Variants in ADAMTS2 observed in about 807,000 individuals in gnomAD.
ADAMTS2 encodes ADAM metallopeptidase with thrombospondin type 1 motif 2, also known as A disintegrin and metalloproteinase with thrombospondin motifs 2.
A neutral mutation model predicts 123.0 loss-of-function variants in ADAMTS2; 50 were observed. That is an observed-to-expected ratio of 0.41 (90% CI 0.32 to 0.51). ADAMTS2 has a LOEUF of 0.51. Ranked by LOEUF, ADAMTS2 falls within the 20% of genes least tolerant of loss-of-function variation. The pLI, the probability that ADAMTS2 is intolerant of heterozygous loss-of-function variation, is 0.35. For missense variants in ADAMTS2, 1,494 were observed against 1,705.2 expected, an observed-to-expected ratio of 0.88 and a Z score of 2.18; for synonymous variants, 678 against 695.4, an observed-to-expected ratio of 0.98 and a Z score of 0.39.
intron 4 of ADAMTS2, among the ~76,000 whole-genome samples, chr5:179,205,757 GTTATTATTA>G (rs148528271): frequency 5.2e-5 from 6 of 115,938 alleles, no homozygotes; most frequent in Admixed American, 9.7e-5. Context: ...TGGTTTTATT[GTTATTATTA>G]TTATTATTAT....
chr5:179,322,309 G>T (rs754340580), intron 2 of ADAMTS2, among the ~76,000 whole-genome samples: 1 of 152,212 alleles, frequency 6.6e-6, no homozygotes, highest in Non-Finnish European at 1.5e-5. Context: ...TGCACCCACG[G>T]CCCGTGCCTT....
chr5:179,231,570 G>A (rs1469603274), intron 3 of ADAMTS2, among the ~76,000 whole-genome samples: 1 of 152,178 alleles, frequency 6.6e-6, no homozygotes, highest in Non-Finnish European at 1.5e-5. Flanking sequence ...CTACCATGGC[G>A]AGCATAAACT....
In ADAMTS2 at chr5:179,225,132, G is replaced by A. The variant is rs538401943; in HGVS notation, c.689-17417C>T. Among the ~76,000 whole-genome samples, 5 of 152,210 alleles carry A rather than the reference G, an allele frequency of 3.3e-5. No homozygotes were observed. The highest frequency in any genetic ancestry group is 2.1e-4 in the South Asian group (1 of 4,810). On this transcript the variant is annotated intron_variant, in intron 3 of 21. Coordinates refer to ENST00000251582, the MANE Select transcript of ADAMTS2 (RefSeq NM_014244.5). The surrounding 1 kb of genome is among the most constrained non-coding windows in gnomAD (Gnocchi z 4.5). Reference sequence around the variant, plus strand: ...AGGAACACTCCCTGGTTATCCACACGGCAACTAACACTCAGCACGCACCAG... The same window carrying A: ...AGGAACACTCCCTGGTTATCCACACAGCAACTAACACTCAGCACGCACCAG...
intron 3 of ADAMTS2, among the ~76,000 whole-genome samples, chr5:179,235,789 C>A (rs1765510360): frequency 6.6e-6 from 1 of 152,210 alleles, no homozygotes; most frequent in Admixed American, 6.5e-5. Context: ...CCATGTGAGC[C>A]CTGCACAGAG....
At position 179,208,151 on chromosome 5, in the gene ADAMTS2, C is replaced by A; in HGVS notation, c.689-436G>T. Among the ~76,000 whole-genome samples, 2 of 151,210 alleles carry A rather than the reference C, an allele frequency of 1.3e-5. 1 individual carries two copies. The highest frequency in any genetic ancestry group is 1.3e-4 in the Admixed American group (2 of 15,200). On this transcript the variant is annotated intron_variant, in intron 3 of 21. Transcript: ENST00000251582. The stretch of plus-strand genomic sequence containing the variant: ...CTGGAGTGGGCAGAGCCACCCCTTG[C>A]CCACACTGCCCGATGCTGGAGTGGG...
intron 3 of ADAMTS2, among the ~76,000 whole-genome samples, chr5:179,265,840 C>G (rs757062391): frequency 6.6e-6 from 1 of 152,260 alleles, no homozygotes; most frequent in Non-Finnish European, 1.5e-5. Flanking sequence ...GGAGCCGCCT[C>G]GGGTTTCACA....
intron 10 of ADAMTS2, among the ~76,000 whole-genome samples, chr5:179,141,985 G>A (rs1172063356): frequency 6.6e-6 from 1 of 152,118 alleles, no homozygotes; most frequent in Non-Finnish European, 1.5e-5. Flanking sequence ...TTCCCATCTA[G>A]TGAGCAGTCT....
At chr5:179,179,340 T>C (rs1222080384) in intron 5 of ADAMTS2, among the ~76,000 whole-genome samples, 1 of 152,070 alleles carries the variant, frequency 6.6e-6, no homozygotes, top group Non-Finnish European at 1.5e-5. Flanking sequence ...TTTTAGGCAT[T>C]TCATCAGCGA....
chr5:179,257,559 C>T (rs1446413807), intron 3 of ADAMTS2, among the ~76,000 whole-genome samples: 1 of 152,240 alleles, frequency 6.6e-6, no homozygotes, highest in African/African-American at 2.4e-5. Context: ...CCTGCGCCCT[C>T]CCCGCTGCTG....
intron 17 of ADAMTS2, among the ~76,000 whole-genome samples, chr5:179,126,673 C>T (rs957700440): frequency 1.3e-5 from 2 of 152,246 alleles, no homozygotes; most frequent in African/African-American, 2.4e-5. Context: ...GTGCACAGGA[C>T]AGCCCCCATG....
At chr5:179,286,769 C>T (rs1756032696) in intron 2 of ADAMTS2, among the ~76,000 whole-genome samples, 2 of 152,168 alleles carry the variant, frequency 1.3e-5, no homozygotes, top group Admixed American at 1.3e-4. Flanking sequence ...TCTCACAGTC[C>T]TGGAGGCTAG....
intron 3 of ADAMTS2, among the ~76,000 whole-genome samples, chr5:179,241,823 T>C (rs1396405085): frequency 6.6e-6 from 1 of 152,234 alleles, no homozygotes; most frequent in Non-Finnish European, 1.5e-5. Context: ...ATAGTGTGTG[T>C]ACCTATCTCT....
rs573440067 is a variant in ADAMTS2 at position 179,256,647 on chromosome 5, G to A, written c.688+16264C>T. On this transcript the variant is annotated intron_variant, in intron 3 of 21. Transcript: ENST00000251582. The surrounding 1 kb of genome is among the most constrained non-coding windows in gnomAD (Gnocchi z 4.1). ...CAGGCGGGGCCAGCATGAGTGGGGG[G>A]GCCAGGCACGAATCGGCAGGGAGGG... Among the ~76,000 whole-genome samples the A allele has an allele frequency of 6.6e-6, 1 of 152,182 alleles. No homozygotes were observed. Among genetic ancestry groups the A allele is most frequent in the African/African-American group, 2.4e-5 (1 of 41,442 alleles).
At chr5:179,299,784 T>A (rs55698132) in intron 2 of ADAMTS2, among the ~76,000 whole-genome samples, 2,618 of 152,086 alleles carry the variant, frequency 0.017, 46 homozygotes, top group Non-Finnish European at 0.026. Flanking sequence ...GACTCTGAAC[T>A]TCTGCCTCCA....
In ADAMTS2 at chr5:179,191,563, C is replaced by T. The variant is rs150871778; in HGVS notation, c.892-10408G>A. On this transcript the variant is annotated intron_variant, in intron 4 of 21. Coordinates refer to ENST00000251582, the MANE Select transcript of ADAMTS2 (RefSeq NM_014244.5). ...CTAAGGAAAGAGGGAAGGAAAATGC[C>T]GCTATGGGAGGAGAGAGCTGTGGCA... Among the ~76,000 whole-genome samples, 624 of 150,064 alleles carry T rather than the reference C, an allele frequency of 4.2e-3. 6 individuals are homozygous for T. The highest frequency in any genetic ancestry group is 0.015 in the African/African-American group (592 of 40,704).
At chr5:179,127,358 C>G (rs1581140216) in intron 17 of ADAMTS2, among the ~76,000 whole-genome samples, 1 of 152,274 alleles carries the variant, frequency 6.6e-6, no homozygotes, top group East Asian at 1.9e-4. Context: ...CCTTGTCCTC[C>G]AGGTGTGGGC....
intron 2 of ADAMTS2, chr5:179,341,379 A>G: frequency 2.6e-6 from 1 of 377,458 alleles, no homozygotes; most frequent in Non-Finnish European, 5.1e-6. Context: ...GAAGGAAGGA[A>G]AGAGAAGAGA....
At chr5:179,275,118 G>A (rs1264930051) in intron 2 of ADAMTS2, among the ~76,000 whole-genome samples, 1 of 152,112 alleles carries the variant, frequency 6.6e-6, no homozygotes, top group Non-Finnish European at 1.5e-5. Context: ...GAGATTGTAG[G>A]CAGCCCAGGG....
At chr5:179,322,966 C>A (rs908550888) in intron 2 of ADAMTS2, among the ~76,000 whole-genome samples, 1 of 152,222 alleles carries the variant, frequency 6.6e-6, no homozygotes, top group Non-Finnish European at 1.5e-5. Context: ...AGCATGGGTG[C>A]GTGAGGACTG....
Sources: gnomAD v4.1 joint callset for allele counts (sites outside exome capture counted in the v4.1 genomes callset) on GRCh38, gnomAD v4.1.1 for gene constraint, Gnocchi (gnomAD v3.1) non-coding constraint, MANE v1.5 for transcripts, NCBI Gene and HGNC (gene_info 2026-07-23, HGNC 2026-07-21) for gene names.